Variants in LIMK2 observed in about 807,000 individuals in gnomAD.
The protein encoded by LIMK2 is LIM domain kinase 2.
A neutral mutation model predicts 75.7 loss-of-function variants in LIMK2; 35 were observed. The ratio of observed to expected loss-of-function variants is 0.46; its 90% CI spans 0.35 to 0.61. The LOEUF is 0.61. Among genes scored for constraint, LIMK2 ranks in the 20% least tolerant of loss-of-function variants. LIMK2 has a pLI of 0.00. For missense variants in LIMK2, 623 were observed against 831.0 expected, an observed-to-expected ratio of 0.75 and a Z score of 3.08; for synonymous variants, 301 against 319.2, an observed-to-expected ratio of 0.94 and a Z score of 0.61.
chr22:31,264,160 G>A (rs995410136), intron 7 of LIMK2, among the ~76,000 whole-genome samples: 12 of 152,132 alleles, frequency 7.9e-5, no homozygotes, highest in African/African-American at 4.8e-5. Flanking sequence ...TGGGAGGCAG[G>A]GCAACAGAGG....
intron 14 of LIMK2, 140 bp from the exon 15 acceptor site, chr22:31,275,004 TGATTGGG>T (rs1601447597): frequency 1.3e-6 from 1 of 747,826 alleles, no homozygotes; most frequent in Non-Finnish European, 2.3e-6. Context: ...TTTGGAGAGA[TGATTGGG>T]GATTGGGGAG....
rs185230501 is a variant in LIMK2, at chr22:31,257,641, C to T, written c.117-650C>T. ...TCTAAATTTGAATCCAAGTTTGAGGCATTGTATTTGGTTGCTGTGTCTCTA... is the reference window on the plus strand; with the variant it reads ...TCTAAATTTGAATCCAAGTTTGAGGTATTGTATTTGGTTGCTGTGTCTCTA... On this transcript the variant is annotated intron_variant, in intron 2 of 15. Coordinates refer to ENST00000331728, the MANE Select transcript of LIMK2 (RefSeq NM_005569.4). 2.0e-5 allele frequency among the ~76,000 whole-genome samples: 3 copies of T among 152,234 alleles called. No individual in the cohort carries two copies. The East Asian group carries it at 5.8e-4, about 29-fold the overall frequency.
intron 2 of LIMK2, chr22:31,248,735 GTCCCGGCTTACT>G (rs1433146324): frequency 6.2e-7 from 1 of 1,614,080 alleles, no homozygotes; most frequent in East Asian, 2.2e-5. Context: ...TTACTTGTCA[GTCCCGGCTTACT>G]TCACCTCCAG....
intron 8 of LIMK2, among the ~76,000 whole-genome samples, 172 bp from the exon 9 acceptor site, chr22:31,266,812 C>T (rs542035522): frequency 1.6e-4 from 24 of 152,326 alleles, no homozygotes; most frequent in African/African-American, 5.3e-4. Context: ...GGTTTGCTTC[C>T]GTGTGAGTCC....
At chr22:31,237,089 G>A (rs1392652206) in intron 2 of LIMK2, among the ~76,000 whole-genome samples, 1 of 146,972 alleles carries the variant, frequency 6.8e-6, no homozygotes, top group Non-Finnish European at 1.5e-5. Context: ...GTGAAACCGC[G>A]TCTCTACTAA....
chr22:31,238,204 A>G (rs540255093), intron 2 of LIMK2, among the ~76,000 whole-genome samples: 4 of 152,216 alleles, frequency 2.6e-5, no homozygotes, highest in East Asian at 3.9e-4. Context: ...CAAAACTAGT[A>G]CTGTATTCAG....
chr22:31,217,618 T>C (rs984836983), intron 1 of LIMK2, among the ~76,000 whole-genome samples: 1 of 152,240 alleles, frequency 6.6e-6, no homozygotes, highest in Non-Finnish European at 1.5e-5. Context: ...TCCTCTATCA[T>C]TGACAACTGG....
intron 1 of LIMK2, among the ~76,000 whole-genome samples, chr22:31,223,444 TA>T (rs2048453308): frequency 6.6e-6 from 1 of 152,132 alleles, no homozygotes; most frequent in Non-Finnish European, 1.5e-5. Context: ...GTTACAGACT[TA>T]ATTTTGGGTT....
At chr22:31,248,345 G>A in intron 2 of LIMK2, 8 of 1,238,962 alleles carry the variant, frequency 6.5e-6, no homozygotes, top group Non-Finnish European at 8.3e-6. Context: ...GGGTGGGACT[G>A]AAGAAGAAGG....
chr22:31,236,972 A>AAAAAAAT (rs1190556002), intron 2 of LIMK2, among the ~76,000 whole-genome samples: 5 of 149,934 alleles, frequency 3.3e-5, no homozygotes, highest in African/African-American at 1.3e-4. Context: ...ATAAAAAAAT[A>AAAAAAAT]TGGAGGCCAG....
chr22:31,251,421 A>G (rs1457702716), intron 2 of LIMK2, among the ~76,000 whole-genome samples: 1 of 152,200 alleles, frequency 6.6e-6, no homozygotes, highest in Non-Finnish European at 1.5e-5. Flanking sequence ...CCTTATCTGA[A>G]AAATGAAGGA....
chr22:31,220,400 A>G (rs997581227), intron 1 of LIMK2, among the ~76,000 whole-genome samples: 10 of 152,144 alleles, frequency 6.6e-5, no homozygotes, highest in Admixed American at 5.2e-4. Context: ...GTTGGATCCA[A>G]ATTTTCAGTT....
At chr22:31,250,439 A>G (rs2123817913) in intron 2 of LIMK2, among the ~76,000 whole-genome samples, 1 of 152,260 alleles carries the variant, frequency 6.6e-6, no homozygotes, top group Non-Finnish European at 1.5e-5. Context: ...CCAGACCACT[A>G]ATGCCACCCA....
intron 2 of LIMK2, among the ~76,000 whole-genome samples, chr22:31,256,760 G>A (rs899306628): frequency 2.6e-5 from 4 of 152,208 alleles, no homozygotes; most frequent in African/African-American, 9.6e-5. Flanking sequence ...CTAGTAAGTG[G>A]CAGGATCAAG....
chr22:31,257,921 G>C (rs2048801011), intron 2 of LIMK2, among the ~76,000 whole-genome samples: 2 of 152,140 alleles, frequency 1.3e-5, no homozygotes, highest in South Asian at 4.1e-4. Flanking sequence ...CCATAAATAG[G>C]TTTCAGAGAA....
chr22:31,225,651 C>T, intron 1 of LIMK2, 69 bp from the exon 2 acceptor site: 2 of 1,133,352 alleles, frequency 1.8e-6, no homozygotes, highest in East Asian at 2.5e-5. Context: ...TCTTATTCTA[C>T]ATGGTAGGAA....
intron 1 of LIMK2, among the ~76,000 whole-genome samples, chr22:31,225,489 G>A (rs1322463782): frequency 6.6e-6 from 1 of 152,210 alleles, no homozygotes; most frequent in African/African-American, 2.4e-5. Flanking sequence ...TTAGAAAATG[G>A]AATGAGACTA....
chr22:31,223,579 A>G (rs1030687550), intron 1 of LIMK2, among the ~76,000 whole-genome samples: 5 of 152,184 alleles, frequency 3.3e-5, no homozygotes, highest in Admixed American at 2.6e-4. Context: ...AATATTTCCA[A>G]AACTTGGAAG....
At chr22:31,249,273 G>A (rs1181783972) in intron 2 of LIMK2, among the ~76,000 whole-genome samples, 2 of 152,206 alleles carry the variant, frequency 1.3e-5, no homozygotes, top group Non-Finnish European at 2.9e-5. Flanking sequence ...CTTAATGGCA[G>A]GCACATTTGC....
Sources: allele counts gnomAD v4.1 joint callset (sites outside exome capture counted in the v4.1 genomes callset), GRCh38; gene constraint gnomAD v4.1.1; transcripts MANE v1.5; gene names NCBI Gene and HGNC (gene_info 2026-07-23, HGNC 2026-07-21).